Variants in GRM8 observed in about 807,000 individuals in gnomAD.
GRM8 encodes the protein metabotropic glutamate receptor 8.
A neutral mutation model predicts 87.2 loss-of-function variants in GRM8; 47 were observed. That is an observed-to-expected ratio of 0.54 (90% CI 0.43 to 0.69). The LOEUF (loss-of-function observed/expected upper bound fraction) is 0.69. GRM8 is among the 30% of genes least tolerant of loss of function. The pLI is 0.00. For missense variants in GRM8, 1,019 were observed against 1,139.2 expected, an observed-to-expected ratio of 0.89 and a Z score of 1.52; for synonymous variants, 396 against 404.5, an observed-to-expected ratio of 0.98 and a Z score of 0.25.
In GRM8 at chr7:126,881,655, G is replaced by A. The variant is rs142783772; in HGVS notation, c.1156+20887C>T. 2.2e-3 allele frequency among the ~76,000 whole-genome samples: 328 copies of A among 152,294 alleles called. 3 individuals are homozygous for A. The highest frequency in any genetic ancestry group is 7.5e-3 in the African/African-American group (312 of 41,578). ...AGCCTTCTGGAGGATGGCAATTTCT[G>A]AGATATCCCACATTTGGAGTAAGAG... On this transcript the variant is annotated intron_variant, in intron 6 of 10. Coordinates refer to ENST00000339582, the MANE Select transcript of GRM8 (RefSeq NM_000845.3).
rs764035146 is a variant in GRM8 at position 127,242,890 on chromosome 7, C to A, written c.315G>T (p.Thr105=). ...NITLGVRILD[T]CSRDTYALEQ... is the part of the protein sequence containing the mutation. ...CCAAAGCATAGGTGTCCCTAGAGCA[C>A]GTGTCGAGGATGCGGACACCCAGAG... Residue 105 remains threonine, a synonymous_variant, in exon 2 of 11, where the codon ACG becomes ACT. Transcript: ENST00000339582. The A allele has an allele frequency of 8.7e-6, 14 of 1,613,752 alleles. No individual in the cohort carries two copies. The African/African-American group carries it at 1.1e-4, about 12-fold the overall frequency.
At chr7:126,618,923 T>G (rs1416632520) in intron 7 of GRM8, among the ~76,000 whole-genome samples, 1 of 152,158 alleles carries the variant, frequency 6.6e-6, no homozygotes, top group Non-Finnish European at 1.5e-5. Context: ...TACACTGTTG[T>G]TGGGACTGTA....
chr7:126,465,738 T>C (rs2150534255), intron 9 of GRM8, among the ~76,000 whole-genome samples: 1 of 152,042 alleles, frequency 6.6e-6, no homozygotes, highest in East Asian at 1.9e-4. Flanking sequence ...ACACAGAATT[T>C]ATGTCATCTG....
chr7:126,826,350 T>C (rs1207525403), intron 6 of GRM8, among the ~76,000 whole-genome samples: 1 of 151,946 alleles, frequency 6.6e-6, no homozygotes. Context: ...GTGTAAAAGT[T>C]TCCTATTTCT....
intron 6 of GRM8, among the ~76,000 whole-genome samples, chr7:126,781,890 A>G (rs2151641337): frequency 6.6e-6 from 1 of 151,898 alleles, no homozygotes; most frequent in Non-Finnish European, 1.5e-5. Flanking sequence ...TAATTTTTAA[A>G]TTTTTTGTAG....
At chr7:126,447,768 GT>G (rs1802182664) in intron 9 of GRM8, among the ~76,000 whole-genome samples, 1 of 152,056 alleles carries the variant, frequency 6.6e-6, no homozygotes, top group Non-Finnish European at 1.5e-5. Flanking sequence ...TGAGGCACAA[GT>G]TAAGAAACTG....
intron 7 of GRM8, among the ~76,000 whole-genome samples, chr7:126,664,833 C>T (rs1805591185): frequency 6.6e-6 from 1 of 152,056 alleles, no homozygotes; most frequent in South Asian, 2.1e-4. Context: ...CTGCAAACTA[C>T]AGAATGGGAG....
chr7:126,598,212 G>C (rs989302410), intron 8 of GRM8, among the ~76,000 whole-genome samples: 14 of 70,716 alleles, frequency 2.0e-4, no homozygotes, highest in Non-Finnish European at 3.4e-4. Context: ...TTAAATTCTT[G>C]TGGTTTTTTC....
rs1384856843 is a variant in GRM8, at chr7:126,647,334, GATAGATAGAT to G, written c.1358-37846_1358-37837del. Among the ~76,000 whole-genome samples the G allele has an allele frequency of 2.1e-3, 130 of 61,758 alleles. 1 individual carries two copies. The highest frequency in any genetic ancestry group is 5.6e-3 in the African/African-American group (117 of 21,034). The allele number at this position is 61,758 out of a possible 152,430, so 40.5% of individuals were successfully genotyped here. A position where few individuals can be genotyped will look rare whatever the true frequency, so the allele number is the denominator to read the frequency against. On this transcript the variant is annotated intron_variant, in intron 7 of 10. Coordinates refer to ENST00000339582, the MANE Select transcript of GRM8 (RefSeq NM_000845.3). ...AGATAGATAGATAGATAGATAGATA[GATAGATAGAT>G]ATAGATATAGATAGATATAAATAGA... is the stretch of plus-strand genomic sequence containing the variant.
chr7:126,954,261 T>A (rs1035076394), intron 3 of GRM8, among the ~76,000 whole-genome samples: 1 of 152,152 alleles, frequency 6.6e-6, no homozygotes, highest in African/African-American at 2.4e-5. Context: ...AAAGGCAGCA[T>A]GGCAAGGTCA....
At chr7:127,071,772 T>A (rs1422325196) in intron 3 of GRM8, among the ~76,000 whole-genome samples, 1 of 152,168 alleles carries the variant, frequency 6.6e-6, no homozygotes, top group African/African-American at 2.4e-5. Context: ...TCATAGTTGA[T>A]CTTTTCTATA....
chr7:126,629,268 C>T (rs760456868), intron 7 of GRM8, among the ~76,000 whole-genome samples: 13 of 152,090 alleles, frequency 8.5e-5, no homozygotes, highest in Non-Finnish European at 1.8e-4. Flanking sequence ...CTGTTATTTC[C>T]GGTTTATAAA....
intron 7 of GRM8, among the ~76,000 whole-genome samples, chr7:126,717,254 C>G (rs891084287): frequency 6.6e-6 from 1 of 152,118 alleles, no homozygotes; most frequent in Non-Finnish European, 1.5e-5. Context: ...TGGAGCTGAT[C>G]CCTGAGGCAA....
intron 2 of GRM8, chr7:127,229,056 T>G (rs1169824420): frequency 6.6e-6 from 1 of 152,242 alleles, no homozygotes; most frequent in East Asian, 1.9e-4. Context: ...TGAAAAAATT[T>G]ATCACATACT....
intron 8 of GRM8, among the ~76,000 whole-genome samples, chr7:126,566,781 A>G (rs1435978242): frequency 2.0e-5 from 3 of 152,190 alleles, no homozygotes; most frequent in Non-Finnish European, 4.4e-5. Context: ...AACAATCTAA[A>G]TGTTTATTGG....
intron 3 of GRM8, among the ~76,000 whole-genome samples, chr7:126,960,981 T>C (rs1193481620): frequency 6.6e-6 from 1 of 152,208 alleles, no homozygotes; most frequent in Non-Finnish European, 1.5e-5. Context: ...ACAAATGTGA[T>C]GCCCAGAACT....
At chr7:127,018,619 C>G (rs1423353856) in intron 3 of GRM8, among the ~76,000 whole-genome samples, 1 of 151,968 alleles carries the variant, frequency 6.6e-6, no homozygotes, top group South Asian at 2.1e-4. Context: ...CTAATTTTGC[C>G]GGCCTGCCTT....
intron 3 of GRM8, among the ~76,000 whole-genome samples, chr7:127,086,098 G>T (rs959124609): frequency 6.6e-6 from 1 of 151,376 alleles, no homozygotes; most frequent in Non-Finnish European, 1.5e-5. Context: ...GTTTGTTTTT[G>T]ATTGTTTTGT....
chr7:126,618,851 G>A lies in GRM8; in HGVS notation c.1358-9353C>T, dbSNP rs184279319. ...ACCATCTGACACCAGTTAGAATGGC[G>A]ATCATTAAAAAGTCAGGAAACAACA... On this transcript the variant is annotated intron_variant, in intron 7 of 10. Coordinates refer to ENST00000339582, the MANE Select transcript of GRM8 (RefSeq NM_000845.3). Among the ~76,000 whole-genome samples the A allele has an allele frequency of 8.7e-3, 1,330 of 152,224 alleles. 15 individuals are homozygous for A. The highest frequency in any genetic ancestry group is 0.027 in the Middle Eastern group (8 of 294).
Sources: gnomAD v4.1 joint callset for allele counts (sites outside exome capture counted in the v4.1 genomes callset) on GRCh38, gnomAD v4.1.1 for gene constraint, MANE v1.5 for transcripts, NCBI Gene and HGNC (gene_info 2026-07-23, HGNC 2026-07-21) for gene names.